CPA5: variants seen among roughly 807,000 people sequenced by gnomAD.
CPA5 encodes carboxypeptidase A5, also known as testicular tissue protein Li 32.
CPA5 carries 38 observed loss-of-function variants against 52.2 expected under a neutral mutation model. The ratio of observed to expected loss-of-function variants is 0.73; its 90% CI spans 0.56 to 0.95. The LOEUF is 0.95. Ranked by LOEUF, CPA5 falls within the 40% of genes least tolerant of loss-of-function variation. CPA5 has a pLI of 0.00. For missense variants in CPA5, 519 were observed against 566.7 expected, an observed-to-expected ratio of 0.92 and a Z score of 0.86; for synonymous variants, 198 against 213.7, an observed-to-expected ratio of 0.93 and a Z score of 0.64.
chr7:130,372,404 G>C (rs1270023846), downstream of CPA5, among the ~76,000 whole-genome samples: 1 of 152,192 alleles, frequency 6.6e-6, no homozygotes, highest in Non-Finnish European at 1.5e-5. Flanking sequence ...AACCAGATAG[G>C]GGTTTTATTT....
chr7:130,348,250 T>C (rs1794898632), intron 4 of CPA5, among the ~76,000 whole-genome samples: 1 of 152,184 alleles, frequency 6.6e-6, no homozygotes, highest in African/African-American at 2.4e-5. Flanking sequence ...AAACCTGTAT[T>C]TTATCTGGGT....
intron 9 of CPA5, 53 bp from the exon 10 acceptor site, chr7:130,363,366 C>A: frequency 6.8e-7 from 1 of 1,460,928 alleles, no homozygotes. Context: ...CAGAGGCTCC[C>A]ATCCCTGGGA....
rs1482466555 is a variant in CPA5 at position 130,346,502 on chromosome 7, G to A, written c.17G>A (p.Gly6Glu). The A allele has an allele frequency of 1.9e-6, 3 of 1,613,212 alleles. No homozygotes were observed. Among genetic ancestry groups the A allele is most frequent in the East Asian group, 2.2e-5 (1 of 44,886 alleles). MQGTP[G>E]GGTRPGPSPV... ...GGAAGAAGCATGCAGGGCACCCCTGGAGGCGGGACGCGCCCTGGGCCATCC... is the reference window on the plus strand; with the variant it reads ...GGAAGAAGCATGCAGGGCACCCCTGAAGGCGGGACGCGCCCTGGGCCATCC... The change falls in exon 3 of 13, where the codon GGA becomes GAA. Residue 6 changes from glycine (G) to glutamate (E), a missense_variant. Gly to Glu is a moderately conservative substitution (Grantham distance 98). Coordinates refer to ENST00000474905, the MANE Select transcript of CPA5 (RefSeq NM_080385.5).
intron 5 of CPA5, among the ~76,000 whole-genome samples, chr7:130,356,038 G>C (rs967285128): frequency 5.9e-5 from 9 of 152,316 alleles, no homozygotes; most frequent in African/African-American, 1.9e-4. Flanking sequence ...AGTTGCTACT[G>C]GCCACATAGC....
At chr7:130,351,851 A>G (rs1554404026) in intron 5 of CPA5, among the ~76,000 whole-genome samples, 1 of 152,096 alleles carries the variant, frequency 6.6e-6, no homozygotes, top group Non-Finnish European at 1.5e-5. Flanking sequence ...TGTCCCCTGC[A>G]GGGTGGGCCC....
chr7:130,351,177 G>T (rs1795118068), intron 5 of CPA5, among the ~76,000 whole-genome samples: 1 of 152,222 alleles, frequency 6.6e-6, no homozygotes, highest in South Asian at 2.1e-4. Context: ...CGCTCAACGT[G>T]TGGGGGTGGG....
At chr7:130,368,240 G>T (rs1796210273) in intron 12 of CPA5, among the ~76,000 whole-genome samples, 170 bp from the exon 13 acceptor site, 1 of 152,244 alleles carries the variant, frequency 6.6e-6, no homozygotes, top group African/African-American at 2.4e-5. Flanking sequence ...AGAATGGGCT[G>T]GGTGCACAGA....
chr7:130,371,714 C>T (rs577686443), downstream of CPA5, among the ~76,000 whole-genome samples: 45 of 152,188 alleles, frequency 3.0e-4, no homozygotes, highest in Admixed American at 1.6e-3. Context: ...TGTGCCACCA[C>T]GCCTGGCTAA....
At chr7:130,346,769 G>C (rs948366832) in intron 3 of CPA5, among the ~76,000 whole-genome samples, 168 bp downstream of exon 3, 1 of 152,052 alleles carries the variant, frequency 6.6e-6, no homozygotes, top group Non-Finnish European at 1.5e-5. Context: ...TTCATGCTCC[G>C]GGGCTGGCTC....
At chr7:130,366,115 C>G (rs1255016448) in intron 10 of CPA5, among the ~76,000 whole-genome samples, 10 of 152,196 alleles carry the variant, frequency 6.6e-5, no homozygotes, top group African/African-American at 2.4e-4. Context: ...AATTGAATGG[C>G]TGTGTAATGA....
At chr7:130,352,535 C>T (rs1375423790) in intron 5 of CPA5, among the ~76,000 whole-genome samples, 2 of 152,198 alleles carry the variant, frequency 1.3e-5, no homozygotes, top group East Asian at 3.9e-4. Context: ...AAGGGGGGCC[C>T]CCACCCCGAT....
chr7:130,347,965 C>A (rs781878013), intron 4 of CPA5, 118 bp downstream of exon 4: 2 of 724,822 alleles, frequency 2.8e-6, no homozygotes, highest in African/African-American at 3.6e-5. Context: ...CTGCAAAGAG[C>A]ACAGACCTGT....
intron 5 of CPA5, among the ~76,000 whole-genome samples, chr7:130,355,537 G>C (rs944657953): frequency 6.6e-6 from 1 of 152,132 alleles, no homozygotes. Context: ...TTCCCAAGTA[G>C]CTGGGCTTAC....
chr7:130,368,135 T>C (rs1796203939), intron 12 of CPA5, 145 bp downstream of exon 12: 6 of 823,994 alleles, frequency 7.3e-6, no homozygotes, highest in East Asian at 5.3e-5. Context: ...AGGGAGCTGT[T>C]TCTTGGCAGC....
At chr7:130,364,441 C>T (rs1440039321) in intron 10 of CPA5, among the ~76,000 whole-genome samples, 1 of 152,232 alleles carries the variant, frequency 6.6e-6, no homozygotes, top group Non-Finnish European at 1.5e-5. Flanking sequence ...GATCCACTCA[C>T]CTCGGCCTCC....
intron 5 of CPA5, among the ~76,000 whole-genome samples, chr7:130,358,311 A>C (rs1795604378): frequency 6.6e-6 from 1 of 152,054 alleles, no homozygotes; most frequent in South Asian, 2.1e-4. Context: ...CATATGTGTT[A>C]TTACTGTTGG....
intron 5 of CPA5, 124 bp from the exon 6 acceptor site, chr7:130,359,465 C>T: frequency 4.5e-6 from 3 of 661,250 alleles, no homozygotes; most frequent in Non-Finnish European, 8.0e-6. Context: ...AGTTCACACT[C>T]ATGGTGGCTC....
In CPA5 at chr7:130,350,083, T is replaced by C; in HGVS notation, c.307T>C (p.Tyr103His). The change falls in exon 5 of 13, where the codon TAC becomes CAC. Residue 103 changes from tyrosine (Y) to histidine (H), a missense_variant. Physicochemically the swap from Tyr to His is moderately conservative, Grantham distance 83 (BLOSUM62 2). Transcript: ENST00000474905. ...TTATCTGGAGTCTCATGGACTTGCT[T>C]ACAGCATCATGATAAAGGACATCCA... is the stretch of plus-strand genomic sequence containing the variant. The part of the protein sequence containing the change: ...KAYLESHGLA[Y>H]SIMIKDIQVL... 6.2e-7 allele frequency: 1 copy of C among 1,613,568 alleles called. No homozygotes were observed.
intron 5 of CPA5, among the ~76,000 whole-genome samples, chr7:130,353,690 C>G (rs1436260572): frequency 7.2e-5 from 11 of 152,178 alleles, no homozygotes; most frequent in African/African-American, 2.7e-4. Context: ...ACATCCCACA[C>G]CACCCCCGAG....
Sources: allele counts gnomAD v4.1 joint callset (sites outside exome capture counted in the v4.1 genomes callset), GRCh38; gene constraint gnomAD v4.1.1; transcripts MANE v1.5; gene names NCBI Gene and HGNC (gene_info 2026-07-23, HGNC 2026-07-21).